PRKG1: variants seen among roughly 807,000 people sequenced by gnomAD.
PRKG1 encodes the protein cGMP-dependent protein kinase 1.
In PRKG1, 35 loss-of-function variants were observed where a neutral mutation model predicts 88.1. The observed-to-expected ratio is 0.40, with a 90% CI of 0.30 to 0.53. The LOEUF is 0.53. Ranked by LOEUF, PRKG1 falls within the 20% of genes least tolerant of loss-of-function variation. The probability of loss-of-function intolerance (pLI) is 0.59; values close to 1 mark genes in which losing one functional copy is unlikely to be tolerated. For synonymous variants in PRKG1, 303 were observed against 292.5 expected, an observed-to-expected ratio of 1.04 and a Z score of -0.37; for missense variants, 540 against 839.8, an observed-to-expected ratio of 0.64 and a Z score of 4.41.
At chr10:51,930,228 GT>G (rs1242569290) in intron 5 of PRKG1, among the ~76,000 whole-genome samples, 10 of 152,206 alleles carry the variant, frequency 6.6e-5, no homozygotes, top group Non-Finnish European at 1.5e-4. Context: ...TTGAGATGGA[GT>G]GGGGGGAGGA....
At chr10:51,959,882 T>A (rs1272150067) in intron 5 of PRKG1, among the ~76,000 whole-genome samples, 3 of 152,186 alleles carry the variant, frequency 2.0e-5, no homozygotes, top group Admixed American at 6.5e-5. Flanking sequence ...TGAGTTTTAA[T>A]GTAAGGGAAA....
intron 3 of PRKG1, among the ~76,000 whole-genome samples, chr10:51,505,692 AGTCTTGGGAGGGTGCAT>A (rs1841179054): frequency 6.6e-6 from 1 of 152,106 alleles, no homozygotes; most frequent in Non-Finnish European, 1.5e-5. Flanking sequence ...TTCCTGGTTT[AGTCTTGGGAGGGTGCAT>A]GTGTCGAGGA....
intron 2 of PRKG1, among the ~76,000 whole-genome samples, chr10:51,204,366 CCGTG>C (rs1263094311): frequency 8.5e-6 from 1 of 118,298 alleles, no homozygotes; most frequent in South Asian, 2.7e-4. Flanking sequence ...GAGTAGACCT[CCGTG>C]TGTGTGTGTG....
At chr10:51,716,474 T>C (rs1172283917) in intron 3 of PRKG1, among the ~76,000 whole-genome samples, 2 of 152,136 alleles carry the variant, frequency 1.3e-5, no homozygotes. Context: ...TCCACAGTCT[T>C]TTACAACATT....
At chr10:52,150,747 G>A (rs1837889915) in intron 8 of PRKG1, among the ~76,000 whole-genome samples, 1 of 152,108 alleles carries the variant, frequency 6.6e-6, no homozygotes, top group Non-Finnish European at 1.5e-5. Flanking sequence ...CAGATACCTT[G>A]GGATAGATTT....
intron 4 of PRKG1, among the ~76,000 whole-genome samples, chr10:51,825,592 C>G (rs1443297586): frequency 6.6e-6 from 1 of 152,128 alleles, no homozygotes; most frequent in Non-Finnish European, 1.5e-5. Flanking sequence ...TCCTGCCAGT[C>G]TCCTGTGCCT....
rs116900299 is a variant in PRKG1 at position 51,157,281 on chromosome 10, G to A, written c.478+3951G>A. Reference sequence around the variant, plus strand: ...AAAAGTGCTACCTAGTAGAAGTTTCGATTTCAAGTTTTGATCAACGTTGTT... The same window carrying A: ...AAAAGTGCTACCTAGTAGAAGTTTCAATTTCAAGTTTTGATCAACGTTGTT... On this transcript the variant is annotated intron_variant, in intron 2 of 17. Coordinates refer to ENST00000373980, the MANE Select transcript of PRKG1 (RefSeq NM_006258.4). 4.8e-3 allele frequency among the ~76,000 whole-genome samples: 736 copies of A among 151,916 alleles called. 3 individuals are homozygous for A. The highest frequency in any genetic ancestry group is 9.4e-3 in the Admixed American group (143 of 15,224).
intron 5 of PRKG1, among the ~76,000 whole-genome samples, chr10:52,014,362 A>C (rs1844979295): frequency 6.6e-6 from 1 of 152,258 alleles, no homozygotes; most frequent in Admixed American, 6.5e-5. Flanking sequence ...AAACACTTTG[A>C]AACCATCAGA....
intron 4 of PRKG1, among the ~76,000 whole-genome samples, chr10:51,859,754 A>G (rs1840821213): frequency 6.6e-6 from 1 of 152,126 alleles, no homozygotes; most frequent in Admixed American, 6.5e-5. Context: ...CATACTGCCC[A>G]CCATGTATTC....
At chr10:51,766,459 A>G (rs1475723544) in intron 3 of PRKG1, among the ~76,000 whole-genome samples, 3 of 152,092 alleles carry the variant, frequency 2.0e-5, no homozygotes, top group African/African-American at 4.8e-5. Flanking sequence ...GGCTGTTGGC[A>G]TATCTTAGGC....
At chr10:52,186,904 G>T (rs1346459637) in intron 9 of PRKG1, among the ~76,000 whole-genome samples, 2 of 152,068 alleles carry the variant, frequency 1.3e-5, no homozygotes, top group Non-Finnish European at 2.9e-5. Flanking sequence ...AAAATTTTAG[G>T]TGCAATGTGG....
At chr10:51,382,682 T>C (rs1181863260) in intron 2 of PRKG1, among the ~76,000 whole-genome samples, 1 of 152,200 alleles carries the variant, frequency 6.6e-6, no homozygotes, top group Non-Finnish European at 1.5e-5. Flanking sequence ...CCTTGAACAG[T>C]AAGGAAATGA....
chr10:51,149,204 C>A (rs568953761), intron 1 of PRKG1, among the ~76,000 whole-genome samples: 2 of 152,020 alleles, frequency 1.3e-5, no homozygotes, highest in Admixed American at 1.3e-4. Flanking sequence ...TTCAGAGAGG[C>A]CTTCCTGACC....
intron 2 of PRKG1, among the ~76,000 whole-genome samples, chr10:51,217,934 C>T (rs1048029175): frequency 1.3e-5 from 2 of 152,108 alleles, no homozygotes; most frequent in African/African-American, 2.4e-5. Flanking sequence ...TCAGTTCCCT[C>T]CTTCATCTGA....
At chr10:52,058,489 T>C (rs1564450752) in intron 6 of PRKG1, among the ~76,000 whole-genome samples, 1 of 152,022 alleles carries the variant, frequency 6.6e-6, no homozygotes, top group African/African-American at 2.4e-5. Context: ...TGATAAGTGG[T>C]ATCTACAACA....
intron 2 of PRKG1, among the ~76,000 whole-genome samples, chr10:51,461,669 C>A (rs773381442): frequency 3.2e-4 from 48 of 152,242 alleles, no homozygotes; most frequent in Admixed American, 1.0e-3. Flanking sequence ...ACTGATAAGG[C>A]AAGGACACAC....
intron 1 of PRKG1, among the ~76,000 whole-genome samples, chr10:51,136,690 CTCTA>C (rs1409606904): frequency 6.6e-6 from 1 of 151,836 alleles, no homozygotes; most frequent in Admixed American, 6.6e-5. Context: ...TCCTAGTAAG[CTCTA>C]TCTCTTTTCT....
At chr10:52,010,781 A>T (rs770163259) in intron 5 of PRKG1, among the ~76,000 whole-genome samples, 1 of 152,126 alleles carries the variant, frequency 6.6e-6, no homozygotes, top group Non-Finnish European at 1.5e-5. Flanking sequence ...ATCTGTTAAG[A>T]CTTGCAACCA....
chr10:51,663,084 G>A (rs1403436052), intron 3 of PRKG1, among the ~76,000 whole-genome samples: 1 of 152,074 alleles, frequency 6.6e-6, no homozygotes, highest in Non-Finnish European at 1.5e-5. Flanking sequence ...AAAATTTACA[G>A]TAGAAACTGT....
Sources: allele counts gnomAD v4.1 joint callset (sites outside exome capture counted in the v4.1 genomes callset), GRCh38; gene constraint gnomAD v4.1.1; transcripts MANE v1.5; gene names NCBI Gene and HGNC (gene_info 2026-07-23, HGNC 2026-07-21).